The following MGAT4C variants were observed in gnomAD, a reference collection of about 807,000 sequenced individuals.
MGAT4C encodes the protein MGAT4 family member C.
MGAT4C carries 19 observed loss-of-function variants against 40.1 expected under a neutral mutation model. That is an observed-to-expected ratio of 0.47 (90% CI 0.33 to 0.70). MGAT4C has a LOEUF of 0.70. MGAT4C is among the 30% of genes least tolerant of loss of function. The probability of loss-of-function intolerance (pLI) is 0.02; values close to 1 mark genes in which losing one functional copy is unlikely to be tolerated. For missense variants in MGAT4C, 491 were observed against 563.2 expected (o/e 0.87, Z 1.30); for synonymous variants, 181 against 187.1 (o/e 0.97, Z 0.27).
At chr12:86,351,487 A>G (rs937675062) in intron 3 of MGAT4C, among the ~76,000 whole-genome samples, 2 of 152,076 alleles carry the variant, frequency 1.3e-5, no homozygotes, top group African/African-American at 4.8e-5. Context: ...AATGGAAATC[A>G]AAATTAATTA....
chr12:86,457,553 A>G (rs1957529235), intron 2 of MGAT4C, among the ~76,000 whole-genome samples: 1 of 152,152 alleles, frequency 6.6e-6, no homozygotes, highest in Admixed American at 6.6e-5. Flanking sequence ...TCAGGTCATG[A>G]TAAAAAGAAT....
chr12:86,124,036 C>T (rs1879864863), intron 1 of MGAT4C, among the ~76,000 whole-genome samples: 1 of 151,696 alleles, frequency 6.6e-6, no homozygotes, highest in Non-Finnish European at 1.5e-5. Context: ...TAAAATAAGC[C>T]AAAAGAAATA....
intron 1 of MGAT4C, among the ~76,000 whole-genome samples, chr12:86,218,998 G>A (rs1296362220): frequency 6.6e-6 from 1 of 152,004 alleles, no homozygotes; most frequent in Non-Finnish European, 1.5e-5. Flanking sequence ...GGTTAAGATG[G>A]TAAAACCCCG....
At chr12:86,395,710 C>T (rs1365336130) in intron 3 of MGAT4C, among the ~76,000 whole-genome samples, 1 of 152,092 alleles carries the variant, frequency 6.6e-6, no homozygotes. Context: ...GTAATAAGTC[C>T]TTGATTTTCT....
intron 2 of MGAT4C, among the ~76,000 whole-genome samples, chr12:86,582,795 G>A (rs1017185508): frequency 1.3e-5 from 2 of 151,070 alleles, no homozygotes; most frequent in Non-Finnish European, 1.5e-5. Flanking sequence ...GACTTATGTC[G>A]ACCAAGTGAC....
At chr12:86,322,055 G>A (rs1954403557) in intron 4 of MGAT4C, among the ~76,000 whole-genome samples, 1 of 151,968 alleles carries the variant, frequency 6.6e-6, no homozygotes, top group Non-Finnish European at 1.5e-5. Flanking sequence ...AAAAAAGGAT[G>A]AGTTCATGTC....
At chr12:86,087,372 T>G (rs935192770) in intron 1 of MGAT4C, among the ~76,000 whole-genome samples, 7 of 152,146 alleles carry the variant, frequency 4.6e-5, no homozygotes, top group Admixed American at 4.6e-4. Flanking sequence ...TTCTTTATCA[T>G]ATGTTCAATA....
chr12:86,598,959 C>G (rs145060240), intron 2 of MGAT4C, among the ~76,000 whole-genome samples: 1 of 152,054 alleles, frequency 6.6e-6, no homozygotes, highest in Admixed American at 6.5e-5. Flanking sequence ...AATACTGAAG[C>G]TAACAGAACT....
chr12:86,718,914 A>G (rs1950694100), intron 2 of MGAT4C, among the ~76,000 whole-genome samples: 1 of 150,870 alleles, frequency 6.6e-6, no homozygotes, highest in African/African-American at 2.4e-5. Flanking sequence ...AAGTTTGGGG[A>G]CCACTGCTCT....
rs1161273737 is a variant in MGAT4C, at chr12:86,650,647, T to C, written c.-229+76562A>G. Among the ~76,000 whole-genome samples, 7 of 152,026 alleles carry C rather than the reference T, an allele frequency of 4.6e-5. No individual in the cohort carries two copies. In the East Asian group the frequency reaches 7.8e-4, roughly 17 times the overall value. On this transcript the variant is annotated intron_variant, in intron 2 of 7. Coordinates refer to the MGAT4C transcript ENST00000548651. ...TTGAAAATAGATGTCTGTATTACTATATATTATCTGTGATTCTTGTAGAGA... is the reference window on the plus strand; with the variant it reads ...TTGAAAATAGATGTCTGTATTACTACATATTATCTGTGATTCTTGTAGAGA...
At chr12:86,680,968 C>T (rs1949971409) in intron 2 of MGAT4C, among the ~76,000 whole-genome samples, 1 of 151,896 alleles carries the variant, frequency 6.6e-6, no homozygotes, top group Non-Finnish European at 1.5e-5. Context: ...ATACATCATG[C>T]TCATGGGACT....
intron 3 of MGAT4C, among the ~76,000 whole-genome samples, chr12:86,373,544 C>G (rs1166276502): frequency 6.6e-6 from 1 of 151,806 alleles, no homozygotes; most frequent in African/African-American, 2.4e-5. Context: ...AGTAGATAAA[C>G]AGTATCCCAG....
At chr12:86,345,382 G>C (rs558187112) in intron 3 of MGAT4C, among the ~76,000 whole-genome samples, 13 of 151,650 alleles carry the variant, frequency 8.6e-5, no homozygotes, top group Admixed American at 4.6e-4. Flanking sequence ...CCATTAACTC[G>C]TCATTTAGCA....
At chr12:86,126,000 G>A (rs839177) in intron 1 of MGAT4C, among the ~76,000 whole-genome samples, 94,008 of 151,422 alleles carry the variant, frequency 0.62, 29,727 homozygotes, top group East Asian at 0.93. Context: ...AAAATATTAT[G>A]TAACACACAA....
intron 2 of MGAT4C, among the ~76,000 whole-genome samples, chr12:86,596,502 C>T (rs557492658): frequency 2.8e-4 from 42 of 152,256 alleles, no homozygotes; most frequent in Admixed American, 5.9e-4. Flanking sequence ...GCCTAAGAGC[C>T]GATGGCCCAA....
At chr12:86,726,750 T>C (rs529410103) in intron 2 of MGAT4C, among the ~76,000 whole-genome samples, 1 of 152,254 alleles carries the variant, frequency 6.6e-6, no homozygotes, top group East Asian at 1.9e-4. Context: ...CATATAAAGA[T>C]AAATAAGTAC....
At chr12:86,792,340 C>T (rs1231221521) in intron 1 of MGAT4C, among the ~76,000 whole-genome samples, 1 of 151,926 alleles carries the variant, frequency 6.6e-6, no homozygotes, top group Non-Finnish European at 1.5e-5. Context: ...TATCCTTGAG[C>T]CAAAATTTGA....
At chr12:86,075,175 G>A (rs764415110) in intron 1 of MGAT4C, among the ~76,000 whole-genome samples, 19 of 152,182 alleles carry the variant, frequency 1.2e-4, no homozygotes, top group Non-Finnish European at 2.4e-4. Context: ...TACAATGGGG[G>A]TACAGTATTG....
intron 2 of MGAT4C, among the ~76,000 whole-genome samples, chr12:86,673,729 A>T (rs572172948): frequency 1.3e-5 from 2 of 152,148 alleles, no homozygotes; most frequent in Non-Finnish European, 2.9e-5. Context: ...CATAAAATAC[A>T]TCTTATTTCA....
Sources: gnomAD v4.1 joint callset for allele counts (sites outside exome capture counted in the v4.1 genomes callset) on GRCh38, gnomAD v4.1.1 for gene constraint, MANE v1.5 for transcripts, NCBI Gene and HGNC (gene_info 2026-07-23, HGNC 2026-07-21) for gene names.